The following NR4A1 variants were observed in gnomAD, a reference collection of about 807,000 sequenced individuals.
NR4A1 encodes the protein nuclear receptor subfamily 4immunitygroup A member 1.
NR4A1 carries 24 observed loss-of-function variants against 47.5 expected under a neutral mutation model. That is an observed-to-expected ratio of 0.50 (90% CI 0.37 to 0.71). The LOEUF (loss-of-function observed/expected upper bound fraction) is 0.71. Ranked by LOEUF, NR4A1 falls within the 30% of genes least tolerant of loss-of-function variation. The pLI, the probability that NR4A1 is intolerant of heterozygous loss-of-function variation, is 0.00. For synonymous variants in NR4A1, 353 were observed against 345.7 expected, an observed-to-expected ratio of 1.02 and a Z score of -0.24; for missense variants, 669 against 788.6, an observed-to-expected ratio of 0.85 and a Z score of 1.82.
At chr12:52,037,549 C>T (rs995939029) in intron 1 of NR4A1, 3 of 978,386 alleles carry the variant, frequency 3.1e-6, no homozygotes, top group African/African-American at 3.6e-5. Context: ...CGGAGTCCCG[C>T]TTGGAAACTG....
At position 52,056,655 on chromosome 12, in the gene NR4A1, C is replaced by T. The variant is rs369248947; in HGVS notation, c.1158+10C>T. 1.9e-6 allele frequency: 3 copies of T among 1,563,286 alleles called. No individual in the cohort carries two copies. The highest frequency in any genetic ancestry group is 2.6e-6 in the Non-Finnish European group (3 of 1,160,966). The stretch of plus-strand genomic sequence containing the variant: ...ACTGGACTACTCCAAGGTGAGGTCC[C>T]ACCCCGTGTCTGCCTTGGGGAGGTC... On this transcript the variant is annotated intron_variant, in intron 4 of 6. Coordinates refer to ENST00000394825, the MANE Select transcript of NR4A1 (RefSeq NM_173157.3).
intron 1 of NR4A1, among the ~76,000 whole-genome samples, chr12:52,052,268 CGTGTGT>C (rs60552358): frequency 0.01 from 1,318 of 129,914 alleles, 8 homozygotes; most frequent in Middle Eastern, 0.018. Context: ...GCTTGGATCA[CGTGTGT>C]GTGTGTGTGT....
chr12:52,053,074 T>C (rs539427069), intron 1 of NR4A1, among the ~76,000 whole-genome samples: 23 of 152,278 alleles, frequency 1.5e-4, no homozygotes, highest in African/African-American at 5.5e-4. Flanking sequence ...CCCTTGATTA[T>C]GGTACTCTGT....
chr12:52,059,005 G>T lies in NR4A1; in HGVS notation c.*61G>T. 6.5e-7 allele frequency: 1 copy of T among 1,546,776 alleles called. No individual in the cohort carries two copies. Among genetic ancestry groups the T allele is most frequent in the Non-Finnish European group, 8.8e-7 (1 of 1,140,892 alleles). On this transcript the variant is annotated 3_prime_UTR_variant, in exon 7 of 7. Coordinates refer to ENST00000394825, the MANE Select transcript of NR4A1 (RefSeq NM_173157.3). ...TCATATGCCACCCCATGTGCCTTTA[G>T]TCCACGGACCCCCAGAGCACCCCCA...
At chr12:52,037,595 C>G (rs1403626999) in intron 1 of NR4A1, 1 of 985,010 alleles carries the variant, frequency 1.0e-6, no homozygotes, top group Non-Finnish European at 1.2e-6. Context: ...CCAGCGGAAC[C>G]GCTGGCTCCG....
chr12:52,052,578 C>T (rs138244551), intron 1 of NR4A1: 7 of 985,718 alleles, frequency 7.1e-6, no homozygotes, highest in Non-Finnish European at 8.4e-6. Context: ...GGATTCTCCC[C>T]ACTGCCTCCT....
upstream of NR4A1, chr12:52,051,423 G>C: frequency 1.0e-6 from 1 of 985,580 alleles, no homozygotes; most frequent in Non-Finnish European, 1.2e-6. Flanking sequence ...CTTAAGAGGA[G>C]GGTCGGGCTC....
intron 2 of NR4A1, chr12:52,045,604 T>C: frequency 2.3e-6 from 1 of 444,110 alleles, no homozygotes; most frequent in South Asian, 1.6e-5. Flanking sequence ...ATTAGGCAGA[T>C]GAGGAAGCAG....
chr12:52,048,085 C>T (rs775044067), upstream of NR4A1, among the ~76,000 whole-genome samples: 26 of 151,068 alleles, frequency 1.7e-4, 1 homozygote, highest in Non-Finnish European at 3.1e-4. Context: ...ACCTGGGAGG[C>T]GGAGCTTGCA....
At chr12:52,052,235 C>CA (rs1397284139) in intron 1 of NR4A1, among the ~76,000 whole-genome samples, 2 of 148,546 alleles carry the variant, frequency 1.3e-5, no homozygotes, top group Non-Finnish European at 3.0e-5. Flanking sequence ...TCTGTAAGCA[C>CA]AGGGAGAATT....
chr12:52,045,167 G>C (rs941490964), intron 2 of NR4A1, among the ~76,000 whole-genome samples: 7 of 152,212 alleles, frequency 4.6e-5, no homozygotes, highest in African/African-American at 1.7e-4. Context: ...CTCAGCCCAG[G>C]AGTGGGAGAA....
upstream of NR4A1, chr12:52,051,390 C>T: frequency 1.0e-6 from 1 of 985,464 alleles, no homozygotes; most frequent in South Asian, 4.7e-5. Context: ...GCGCCCCCGC[C>T]CCTCCCCGTG....
At chr12:52,029,700 C>CAAAAACAAAAACCA (rs398019588) in intron 1 of NR4A1, among the ~76,000 whole-genome samples, 1 of 151,340 alleles carries the variant, frequency 6.6e-6, no homozygotes, top group Non-Finnish European at 1.5e-5. Context: ...AAAACAAAAA[C>CAAAAACAAAAACCA]CACACACACA....
In NR4A1 at chr12:52,057,616, T is replaced by G. The variant is rs561482497; in HGVS notation, c.1540+86T>G. On this transcript the variant is annotated intron_variant, in intron 6 of 6. Coordinates refer to ENST00000394825, the MANE Select transcript of NR4A1 (RefSeq NM_173157.3). ...CAGGAGGGCACTGTCCCAGGGAGTT[T>G]GGTGGGCCGGGATCTAGCACTTTCT... The G allele has an allele frequency of 1.4e-5, 21 of 1,509,214 alleles. No homozygotes were observed. The Admixed American group carries it at 3.1e-4, about 22-fold the overall frequency. The allele number at this position is 1,509,214 out of a possible 1,614,324, so 93.5% of individuals were successfully genotyped here.
chr12:52,055,234 G>A (rs1198828825), intron 2 of NR4A1, 30 bp downstream of exon 2: 1 of 1,606,462 alleles, frequency 6.2e-7, no homozygotes, highest in Non-Finnish European at 8.5e-7. Flanking sequence ...GGGGCCTTTT[G>A]TTGGAAATGG....
chr12:52,054,670 C>T lies in NR4A1; in HGVS notation c.342C>T (p.Gly114=), dbSNP rs1315645152. 1 of 1,614,022 alleles carries T rather than the reference C, an allele frequency of 6.2e-7. No homozygotes were observed. Among genetic ancestry groups the T allele is most frequent in the South Asian group, 1.1e-5 (1 of 91,090 alleles). The change falls in exon 2 of 7, where the codon GGC becomes GGT. Residue 114 remains glycine (G), a synonymous_variant. Transcript: ENST00000394825. The part of the protein sequence containing the change: ...EDFQVYGCYP[G]PLSGPVDEAL... Reference sequence around the variant, plus strand: ...TCCAGGTGTACGGCTGCTACCCCGGCCCCCTGAGCGGCCCAGTGGATGAGG... The same window carrying T: ...TCCAGGTGTACGGCTGCTACCCCGGTCCCCTGAGCGGCCCAGTGGATGAGG...
intron 3 of NR4A1, 121 bp downstream of exon 3, chr12:52,056,280 C>A: frequency 1.4e-6 from 2 of 1,437,912 alleles, no homozygotes; most frequent in Non-Finnish European, 1.9e-6. Flanking sequence ...TTCCACCCCA[C>A]CTCTGAACCC....
chr12:52,056,446 C>CCCTTCCTCAGATCCCTT, intron 3 of NR4A1, 48 bp from the exon 4 acceptor site: 1 of 1,595,218 alleles, frequency 6.3e-7, no homozygotes, highest in Non-Finnish European at 8.5e-7. Flanking sequence ...GGCTGAGAGG[C>CCCTTCCTCAGATCCCTT]CCTTCCTCAG....
chr12:52,054,017 C>T, intron 1 of NR4A1: 2 of 351,244 alleles, frequency 5.7e-6, no homozygotes, highest in South Asian at 6.5e-5. Context: ...ACAGCTTCCC[C>T]CTGTTCTAGC....
Sources: gnomAD v4.1 joint callset for allele counts (sites outside exome capture counted in the v4.1 genomes callset) on GRCh38, gnomAD v4.1.1 for gene constraint, MANE v1.5 for transcripts, NCBI Gene and HGNC (gene_info 2026-07-23, HGNC 2026-07-21) for gene names.